DNMT1: variants seen among roughly 807,000 people sequenced by gnomAD.
The protein encoded by DNMT1 is DNA methyltransferase 1.
A neutral mutation model predicts 205.3 loss-of-function variants in DNMT1; 24 were observed. The observed-to-expected ratio is 0.12, with a 90% CI of 0.08 to 0.16. The LOEUF (loss-of-function observed/expected upper bound fraction) is 0.16, where lower values mean the gene tolerates loss of function less well. Ranked by LOEUF, DNMT1 falls within the 10% of genes least tolerant of loss-of-function variation. DNMT1 has a pLI of 1.00. For missense variants in DNMT1, 1,293 were observed against 2,177.7 expected (o/e 0.59, Z 8.09); for synonymous variants, 817 against 839.8 (o/e 0.97, Z 0.47).
In DNMT1 at chr19:10,146,038, A is replaced by G. The variant is rs2038192692; in HGVS notation, c.2894+313T>C. ...GAGACGAGGTTTCACCATGTTGGCC[A>G]GGCTGGTCTCAGACTCCTGACCTCA... On this transcript the variant is annotated intron_variant, in intron 28 of 40. Transcript: ENST00000359526. The surrounding 1 kb of genome is among the most constrained non-coding windows in gnomAD (Gnocchi z 4.4). 2.0e-5 allele frequency among the ~76,000 whole-genome samples: 3 copies of G among 152,092 alleles called. No individual in the cohort carries two copies. The highest frequency in any genetic ancestry group is 2.0e-4 in the Admixed American group (3 of 15,254).
rs1394137491 is a variant in DNMT1 at position 10,151,741 on chromosome 19, C to T, written c.2117+9G>A. On this transcript the variant is annotated intron_variant, in intron 23 of 40. Transcript: ENST00000359526. This position sits in a 1 kb window ranked among gnomAD's most constrained non-coding sequence, Gnocchi z 5.0. ...CTCTGCCACAGGAGGAAGACTCGGC[C>T]TGACCTACCTCCGCTCTTGGCAAGC... 60 of 1,614,182 alleles carry T rather than the reference C, an allele frequency of 3.7e-5. No individual in the cohort carries two copies. The highest frequency in any genetic ancestry group is 5.0e-5 in the Non-Finnish European group (59 of 1,180,040).
At chr19:10,194,633 A>G in intron 1 of DNMT1, 187 bp downstream of exon 1, 1 of 753,502 alleles carries the variant, frequency 1.3e-6, no homozygotes, top group Non-Finnish European at 2.0e-6. Flanking sequence ...TTTTGGCGCC[A>G]AACAGCCCGG....
At chr19:10,153,176 G>A (rs1047289934) in intron 22 of DNMT1, among the ~76,000 whole-genome samples, 4 of 152,248 alleles carry the variant, frequency 2.6e-5, no homozygotes, top group African/African-American at 4.8e-5. Context: ...ATACACTCGC[G>A]AGAAGCTTTG....
At chr19:10,139,350 A>G (rs2089556364) in intron 34 of DNMT1, among the ~76,000 whole-genome samples, 1 of 152,192 alleles carries the variant, frequency 6.6e-6, no homozygotes, top group South Asian at 2.1e-4. Context: ...AGACTCAGCC[A>G]TTCCACAGTG....
In DNMT1 at chr19:10,194,819, C is replaced by T; in HGVS notation, c.80+1G>A. 6.2e-7 allele frequency: 1 copy of T among 1,611,918 alleles called. No homozygotes were observed. The highest frequency in any genetic ancestry group is 8.5e-7 in the Non-Finnish European group (1 of 1,179,224). ...TCCGTGTTCCCCCCCATGGTACCTA[C>T]CGCCTGCGGACATCGTCGGGCAGCG... On this transcript the variant is annotated splice_donor_variant, in intron 1 of 40. Coordinates refer to ENST00000359526, the MANE Select transcript of DNMT1 (RefSeq NM_001130823.3). LOFTEE classifies it high-confidence loss of function.
chr19:10,137,188 G>A lies in DNMT1; in HGVS notation c.4386C>T (p.Leu1462=). 1 of 1,610,718 alleles carries A rather than the reference G, an allele frequency of 6.2e-7. No homozygotes were observed. The highest frequency in any genetic ancestry group is 8.5e-7 in the Non-Finnish European group (1 of 1,179,134). ...WRDLPNIEVR[L]SDGTMARKLR... The stretch of plus-strand genomic sequence containing the variant: ...GCTTCCTGGCCATGGTGCCGTCTGA[G>A]AGCCGCACCTCGATGTTGGGCAGAT... The change falls in exon 37 of 41, where the codon CTC becomes CTT. Residue 1462 remains leucine, a synonymous_variant. Coordinates refer to ENST00000359526, the MANE Select transcript of DNMT1 (RefSeq NM_001130823.3). The surrounding 1 kb of genome is among the most constrained non-coding windows in gnomAD (Gnocchi z 6.4).
At chr19:10,188,437 G>A (rs1022118626) in intron 1 of DNMT1, among the ~76,000 whole-genome samples, 6 of 151,954 alleles carry the variant, frequency 3.9e-5, no homozygotes, top group Non-Finnish European at 8.8e-5. Context: ...CTACTCAAGA[G>A]GCTGAGGCAC....
chr19:10,141,993 C>G (rs1477607682), intron 30 of DNMT1, 35 bp downstream of exon 30: 2 of 1,609,196 alleles, frequency 1.2e-6, no homozygotes, highest in Non-Finnish European at 1.7e-6. Context: ...CAACTTTGAC[C>G]CCGAAGCCTT....
chr19:10,160,486 G>C, intron 13 of DNMT1, 68 bp from the exon 14 acceptor site: 1 of 1,552,500 alleles, frequency 6.4e-7, no homozygotes, highest in Admixed American at 1.7e-5. Context: ...GTGCTTCGGT[G>C]TTAAGAACTT....
rs747711994 is a variant in DNMT1, at chr19:10,137,570, C to A, written c.4293+262G>T. 6 of 642,178 alleles carry A rather than the reference C, an allele frequency of 9.3e-6. No homozygotes were observed. The Admixed American group carries it at 1.4e-4, about 15-fold the overall frequency. The allele number at this position is 642,178 out of a possible 1,614,324, so 39.8% of individuals were successfully genotyped here. A position where few individuals can be genotyped will look rare whatever the true frequency, so the allele number is the denominator to read the frequency against. ...GGTCTTGGCATCCTGGGAAAACATG[C>A]GGGGAGAGGCAGCAAGGGGGAAGGC... On this transcript the variant is annotated intron_variant, in intron 36 of 40. Transcript: ENST00000359526. This position sits in a 1 kb window ranked among gnomAD's most constrained non-coding sequence, Gnocchi z 6.4.
intron 1 of DNMT1, among the ~76,000 whole-genome samples, chr19:10,191,319 TG>T (rs1224951294): frequency 1.3e-5 from 2 of 151,240 alleles, no homozygotes; most frequent in African/African-American, 4.9e-5. Flanking sequence ...CAAGTACTGT[TG>T]GATACCATGT....
In DNMT1 at chr19:10,138,157, C is replaced by T. The variant is rs2089530358; in HGVS notation, c.4116-148G>A. On this transcript the variant is annotated intron_variant, in intron 35 of 40. Transcript: ENST00000359526. This position sits in a 1 kb window ranked among gnomAD's most constrained non-coding sequence, Gnocchi z 4.1. ...ACATGGGTGGCAGTGTGCCTGGATG[C>T]CATCTGGAAGGGGGGATGGGGCTAT... 7 of 1,146,190 alleles carry T rather than the reference C, an allele frequency of 6.1e-6. No homozygotes were observed. In the South Asian group the frequency reaches 9.6e-5, roughly 16 times the overall value. 71.0% of individuals were successfully genotyped at this position (1,146,190 alleles called of 1,614,324 possible).
intron 11 of DNMT1, among the ~76,000 whole-genome samples, chr19:10,165,930 T>C (rs990244827): frequency 6.6e-6 from 1 of 151,954 alleles, no homozygotes; most frequent in African/African-American, 2.4e-5. Flanking sequence ...GAAGTGAGGG[T>C]GCTTGTCACC....
rs188121809 is a variant in DNMT1, at chr19:10,183,951, G to A, written c.81-1874C>T. Among the ~76,000 whole-genome samples the A allele has an allele frequency of 3.9e-5, 6 of 152,304 alleles. No homozygotes were observed. The East Asian group carries it at 1.2e-3, about 29-fold the overall frequency. On this transcript the variant is annotated intron_variant, in intron 1 of 40. Coordinates refer to ENST00000359526, the MANE Select transcript of DNMT1 (RefSeq NM_001130823.3). ...TGCTTGTGGTCCCAGTTACTTGGGAGGCTGAGGAAGGAAGATCACCTGAGC... is the reference window on the plus strand; with the variant it reads ...TGCTTGTGGTCCCAGTTACTTGGGAAGCTGAGGAAGGAAGATCACCTGAGC...
At chr19:10,194,681 C>T in intron 1 of DNMT1, 139 bp downstream of exon 1, 1 of 1,238,894 alleles carries the variant, frequency 8.1e-7, no homozygotes, top group Non-Finnish European at 1.1e-6. Flanking sequence ...CCCGCGCCAA[C>T]TGCCGCTGCG....
intron 1 of DNMT1, among the ~76,000 whole-genome samples, chr19:10,186,235 G>GA (rs1316344680): frequency 6.6e-6 from 1 of 152,138 alleles, no homozygotes; most frequent in Non-Finnish European, 1.5e-5. Context: ...AGAGAATAGA[G>GA]AAACCTTCAA....
chr19:10,151,778 G>A lies in DNMT1; in HGVS notation c.2089C>T (p.Arg697Trp). 1 of 1,614,126 alleles carries A rather than the reference G, an allele frequency of 6.2e-7. No homozygotes were observed. The highest frequency in any genetic ancestry group is 8.5e-7 in the Non-Finnish European group (1 of 1,180,036). Residue 697 changes from arginine to tryptophan, a missense_variant, in exon 23 of 41, where the codon CGG becomes TGG. Physicochemically the swap from Arg to Trp is moderately radical, Grantham distance 101 (BLOSUM62 -3). Transcript: ENST00000359526. The surrounding 1 kb of genome is among the most constrained non-coding windows in gnomAD (Gnocchi z 5.0). The part of the protein sequence containing the change: ...KDMVKFGGSG[R>W]SKQACQERRC... Reference sequence around the variant, plus strand: ...CGCTCTTGGCAAGCCTGCTTGCTCCGTCCACTGCCACCAAATTTAACCATG... The same window carrying A: ...CGCTCTTGGCAAGCCTGCTTGCTCCATCCACTGCCACCAAATTTAACCATG...
intron 11 of DNMT1, among the ~76,000 whole-genome samples, chr19:10,164,914 A>T (rs1266022198): frequency 2.0e-4 from 1 of 5,068 alleles, no homozygotes; most frequent in Non-Finnish European, 6.1e-4. Flanking sequence ...AGACTATCTT[A>T]AAAAAAAAAA....
At chr19:10,147,748 C>T (rs923724485) in intron 27 of DNMT1, among the ~76,000 whole-genome samples, 1 of 152,172 alleles carries the variant, frequency 6.6e-6, no homozygotes. Context: ...TCTGGGGGTG[C>T]TGGCTGCTGC....
Sources: allele counts gnomAD v4.1 joint callset (sites outside exome capture counted in the v4.1 genomes callset), GRCh38; gene constraint gnomAD v4.1.1; non-coding constraint Gnocchi (gnomAD v3.1); transcripts MANE v1.5; gene names NCBI Gene and HGNC (gene_info 2026-07-23, HGNC 2026-07-21).